Variants in ANKRD55 observed in about 807,000 individuals in gnomAD.
ANKRD55 encodes the protein ankyrin repeat domain-containing protein 55.
Under a neutral mutation model 60.6 loss-of-function variants are expected in ANKRD55, and 41 were observed. The ratio of observed to expected loss-of-function variants is 0.68; its 90% CI spans 0.53 to 0.88. ANKRD55 has a LOEUF of 0.88. ANKRD55 is among the 40% of genes least tolerant of loss of function. The pLI is 0.00. For synonymous variants in ANKRD55, 264 were observed against 290.3 expected (o/e 0.91, Z 0.92); for missense variants, 732 against 767.6 (o/e 0.95, Z 0.55).
At chr5:56,149,098 A>G (rs184175477) in intron 6 of ANKRD55, among the ~76,000 whole-genome samples, 15 of 152,328 alleles carry the variant, frequency 9.8e-5, no homozygotes, top group Non-Finnish European at 1.5e-4. Context: ...AGATGGTGTT[A>G]CAAGTACAGT....
At chr5:56,204,430 G>T (rs190558523) in intron 2 of ANKRD55, among the ~76,000 whole-genome samples, 205 of 152,262 alleles carry the variant, frequency 1.3e-3, no homozygotes, top group Middle Eastern at 3.4e-3. Flanking sequence ...TATCGCCTAG[G>T]TTTTCTTCTA....
At chr5:56,161,738 G>A (rs990912054) in intron 5 of ANKRD55, among the ~76,000 whole-genome samples, 2 of 152,210 alleles carry the variant, frequency 1.3e-5, no homozygotes, top group African/African-American at 4.8e-5. Context: ...TAGTAACGCA[G>A]TGGTGTAAAG....
intron 2 of ANKRD55, among the ~76,000 whole-genome samples, chr5:56,227,781 C>T (rs146593148): frequency 1.8e-4 from 27 of 152,006 alleles, no homozygotes; most frequent in Middle Eastern, 3.2e-3. Flanking sequence ...ATTTCCTCAT[C>T]GATAAAAGGG....
At chr5:56,160,796 G>A (rs745875778) in intron 5 of ANKRD55, 1 of 152,204 alleles carries the variant, frequency 6.6e-6, no homozygotes, top group South Asian at 2.1e-4. Context: ...ACCTGACTTG[G>A]ATCTCCTGCT....
intron 6 of ANKRD55, among the ~76,000 whole-genome samples, chr5:56,151,969 T>C (rs1298923846): frequency 6.7e-6 from 1 of 149,046 alleles, no homozygotes; most frequent in African/African-American, 2.5e-5. Flanking sequence ...AAAATTTTTG[T>C]GCCTCACTAA....
At chr5:56,176,081 A>C (rs1427090453) in intron 4 of ANKRD55, 71 bp downstream of exon 4, 21 of 1,587,864 alleles carry the variant, frequency 1.3e-5, no homozygotes, top group Admixed American at 1.7e-5. Context: ...GCTCCTTTGC[A>C]ACTGGGACCC....
At chr5:56,141,740 A>G (rs1267773016) in intron 7 of ANKRD55, among the ~76,000 whole-genome samples, 3 of 152,224 alleles carry the variant, frequency 2.0e-5, no homozygotes, top group African/African-American at 7.2e-5. Flanking sequence ...TAAACATAAA[A>G]AAAAGAGAAA....
chr5:56,170,085 C>T (rs1025182808), intron 5 of ANKRD55, among the ~76,000 whole-genome samples: 1 of 152,186 alleles, frequency 6.6e-6, no homozygotes, highest in Admixed American at 6.5e-5. Context: ...TAGGAGCACA[C>T]ACTTCTGGTT....
At chr5:56,199,572 C>T (rs1285316714) in intron 2 of ANKRD55, among the ~76,000 whole-genome samples, 1 of 145,174 alleles carries the variant, frequency 6.9e-6, no homozygotes, top group Non-Finnish European at 1.5e-5. Flanking sequence ...GATAAATTAC[C>T]ATGTTCAAAG....
chr5:56,200,261 G>T (rs913173120), intron 2 of ANKRD55, among the ~76,000 whole-genome samples: 5 of 151,456 alleles, frequency 3.3e-5, no homozygotes, highest in African/African-American at 1.2e-4. Flanking sequence ...TCCTAAAAAA[G>T]AAAAAAGTAT....
At chr5:56,183,200 C>A (rs1288183537) in intron 3 of ANKRD55, among the ~76,000 whole-genome samples, 2 of 152,212 alleles carry the variant, frequency 1.3e-5, no homozygotes, top group African/African-American at 4.8e-5. Context: ...TCCATCTTCC[C>A]AGAAGCAGAA....
At position 56,173,541 on chromosome 5, in the gene ANKRD55, CCTCTCTCTCTCTCT is replaced by C. The variant is rs71578616; in HGVS notation, c.312+2597_312+2610del. On this transcript the variant is annotated intron_variant, in intron 4 of 11. Coordinates refer to ENST00000341048, the MANE Select transcript of ANKRD55 (RefSeq NM_024669.3). ...ATAATACGTTAAATGTAGAGATTCGCCTCTCTCTCTCTCTCTCTCTCTCTCTCTCTCTCTCTCTC... is the reference window on the plus strand; with the variant it reads ...ATAATACGTTAAATGTAGAGATTCGCCTCTCTCTCTCTCTCTCTCTCTCTC... 2.7e-3 allele frequency among the ~76,000 whole-genome samples: 167 copies of C among 61,518 alleles called. 2 individuals carry two copies. The highest frequency in any genetic ancestry group is 4.8e-3 in the African/African-American group (79 of 16,586). 40.4% of individuals were successfully genotyped at this position (61,518 alleles called of 152,430 possible).
At chr5:56,115,214 TAATAAATA>T (rs60123277) in intron 9 of ANKRD55, among the ~76,000 whole-genome samples, 12 of 144,640 alleles carry the variant, frequency 8.3e-5, no homozygotes, top group South Asian at 2.2e-4. Context: ...ATAATAATAA[TAATAAATA>T]AATAAATAAA....
chr5:56,136,652 G>T (rs551961908), intron 7 of ANKRD55, among the ~76,000 whole-genome samples: 1 of 152,240 alleles, frequency 6.6e-6, no homozygotes, highest in Admixed American at 6.5e-5. Flanking sequence ...CGGGCAAGGC[G>T]GCTCGTACCT....
At position 56,193,257 on chromosome 5, in the gene ANKRD55, C is replaced by G. The variant is rs542200062; in HGVS notation, c.59-9623G>C. 31 of 1,078,186 alleles carry G rather than the reference C, an allele frequency of 2.9e-5. 1 individual carries two copies. Among genetic ancestry groups the G allele is most frequent in the Non-Finnish European group, 3.9e-5 (29 of 753,158 alleles). The allele number at this position is 1,078,186 out of a possible 1,614,324, so 66.8% of individuals were successfully genotyped here. On this transcript the variant is annotated intron_variant, in intron 2 of 11. Coordinates refer to ENST00000341048, the MANE Select transcript of ANKRD55 (RefSeq NM_024669.3). ...AACAGACAAGTGTCACATAGTTCCT[C>G]CACTGAAGACTTAGCACTGGGGAGA... is the stretch of plus-strand genomic sequence containing the variant.
chr5:56,100,078 T>G lies in ANKRD55; in HGVS notation c.*105A>C, dbSNP rs1756223525. The G allele has an allele frequency of 6.9e-7, 1 of 1,459,206 alleles. No individual in the cohort carries two copies. The highest frequency in any genetic ancestry group is 2.3e-5 in the East Asian group (1 of 43,844). 90.4% of individuals were successfully genotyped at this position (1,459,206 alleles called of 1,614,324 possible). A position where few individuals can be genotyped will look rare whatever the true frequency, so the allele number is the denominator to read the frequency against. The stretch of plus-strand genomic sequence containing the variant: ...GTTATAAAACTGATGGCTTATAGAA[T>G]GCAGCTTACTAAATTGGTCTTCGTT... On this transcript the variant is annotated 3_prime_UTR_variant, in exon 12 of 12. Coordinates refer to ENST00000341048, the MANE Select transcript of ANKRD55 (RefSeq NM_024669.3).
At chr5:56,183,203 A>T (rs1758887267) in intron 3 of ANKRD55, among the ~76,000 whole-genome samples, 1 of 152,264 alleles carries the variant, frequency 6.6e-6, no homozygotes, top group African/African-American at 2.4e-5. Context: ...ATCTTCCCAG[A>T]AGCAGAAATC....
rs990859732 is a variant in ANKRD55, at chr5:56,100,094, G to C, written c.*89C>G. The C allele has an allele frequency of 6.4e-7, 1 of 1,552,580 alleles. No individual in the cohort carries two copies. The highest frequency in any genetic ancestry group is 8.8e-7 in the Non-Finnish European group (1 of 1,130,304). On this transcript the variant is annotated 3_prime_UTR_variant, in exon 12 of 12. Transcript: ENST00000341048. ...CTTATAGAATGCAGCTTACTAAATT[G>C]GTCTTCGTTCTTACAAACTGGAGTA...
intron 10 of ANKRD55, among the ~76,000 whole-genome samples, chr5:56,106,735 G>A (rs928592044): frequency 6.6e-6 from 1 of 152,088 alleles, no homozygotes; most frequent in African/African-American, 2.4e-5. Context: ...CCCAGCCTTA[G>A]TGGCTCATAT....
Sources: gnomAD v4.1 joint callset for allele counts (sites outside exome capture counted in the v4.1 genomes callset) on GRCh38, gnomAD v4.1.1 for gene constraint, MANE v1.5 for transcripts, NCBI Gene and HGNC (gene_info 2026-07-23, HGNC 2026-07-21) for gene names.